Variants in KIF14 observed in about 807,000 individuals in gnomAD.
The protein encoded by KIF14 is kinesin-like protein KIF14.
KIF14 carries 98 observed loss-of-function variants against 176.2 expected under a neutral mutation model. The ratio of observed to expected loss-of-function variants is 0.56; its 90% confidence interval spans 0.47 to 0.66. The LOEUF (loss-of-function observed/expected upper bound fraction) is 0.66. KIF14 is among the 30% of genes least tolerant of loss of function. KIF14 has a pLI of 0.00. For synonymous variants in KIF14, 566 were observed against 632.2 expected (o/e 0.90, Z 1.57); for missense variants, 1,751 against 1,920.4 (o/e 0.91, Z 1.65).
At chr1:200,598,569 AT>A (rs912988078) in intron 13 of KIF14, 148 bp from the exon 14 acceptor site, 16 of 541,658 alleles carry the variant, frequency 3.0e-5, no homozygotes, top group East Asian at 7.5e-5. Context: ...TTTTATTTTT[AT>A]TTTTTTGAGA....
At chr1:200,557,062 G>A (rs1392535455) in intron 27 of KIF14, among the ~76,000 whole-genome samples, 4 of 152,154 alleles carry the variant, frequency 2.6e-5, no homozygotes, top group African/African-American at 7.2e-5. Context: ...GGAGTGCAGT[G>A]GCACGATCTT....
intron 21 of KIF14, among the ~76,000 whole-genome samples, chr1:200,577,970 G>A (rs752058067): frequency 1.4e-5 from 2 of 147,800 alleles, no homozygotes; most frequent in Admixed American, 6.7e-5. Context: ...TTTTTTTTTC[G>A]AGGCCAGTTT....
rs1656652523 is a variant in KIF14 at position 200,553,407 on chromosome 1, C to T, written c.4928G>A (p.Ser1643Asn). The change falls in exon 30 of 30, where the codon AGT (serine) becomes AAT (asparagine). Residue 1643 changes from serine to asparagine, a missense_variant. Coordinates refer to ENST00000367350, the MANE Select transcript of KIF14 (RefSeq NM_014875.3). The part of the protein sequence containing the change: ...PAVSSEECTP[S>N]RIQWV ...CAGTATTCACACCCACTGAATCCTA[C>T]TGGGTGTGCATTCCTCTGAGCTCAC... is the stretch of plus-strand genomic sequence containing the variant. 6.2e-7 allele frequency: 1 copy of T among 1,610,672 alleles called. No individual in the cohort carries two copies. The highest frequency in any genetic ancestry group is 1.1e-5 in the South Asian group (1 of 90,412).
chr1:200,603,477 C>CA, intron 9 of KIF14, 136 bp from the exon 10 acceptor site: 1 of 586,220 alleles, frequency 1.7e-6, no homozygotes, highest in South Asian at 2.2e-5. Context: ...GACAGAGTCT[C>CA]ACTCTGTTGC....
chr1:200,599,854 A>G (rs1185512750), intron 13 of KIF14, among the ~76,000 whole-genome samples, 196 bp downstream of exon 13: 2 of 152,232 alleles, frequency 1.3e-5, no homozygotes, highest in Non-Finnish European at 2.9e-5. Flanking sequence ...CAACTAGTTT[A>G]TGGGCTGGCT....
Position 200,589,306 on chromosome 1 carries a change from CA to C in KIF14, c.3024del (p.Ile1008MetfsTer4). On this transcript the variant is annotated frameshift_variant, in exon 18 of 30. Transcript: ENST00000367350. LOFTEE classifies it high-confidence loss of function. Reference protein sequence around the residue: ...EINNQKANHKIEELEKAKQHL... With the variant: ...EINNQKANHKXEELEKAKQHL... ...TGCTGCTTTGCCTTTTCTAATTCCT[CA>C]ATTTTGTGATTAGCCTTCTGGTTAT... 1 of 1,611,452 alleles carries C rather than the reference CA, an allele frequency of 6.2e-7. No individual in the cohort carries two copies. The highest frequency in any genetic ancestry group is 8.5e-7 in the Non-Finnish European group (1 of 1,177,954).
intron 18 of KIF14, 48 bp downstream of exon 18, chr1:200,589,169 T>C: frequency 6.8e-7 from 1 of 1,473,656 alleles, no homozygotes; most frequent in Non-Finnish European, 9.2e-7. Context: ...AAAAAAAAAA[T>C]CCAGCTTTTT....
chr1:200,580,410 C>T (rs911396307), intron 20 of KIF14, 27 bp from the exon 21 acceptor site: 2 of 1,410,010 alleles, frequency 1.4e-6, no homozygotes, highest in Non-Finnish European at 1.9e-6. Context: ...CAAAAAAAAG[C>T]TTATCCTGAA....
chr1:200,577,329 A>G (rs1658176272), intron 21 of KIF14, among the ~76,000 whole-genome samples: 1 of 151,782 alleles, frequency 6.6e-6, no homozygotes, highest in Non-Finnish European at 1.5e-5. Context: ...CTCAAAACAA[A>G]CAAACAAATA....
At position 200,568,169 on chromosome 1, in the gene KIF14, C is replaced by CG. The variant is rs1394757424; in HGVS notation, c.3661+1741dup. ...CTTCCACCACTCACAGCTGCCCAGACGGGGTCCTACTAAGTTCACACGTGG... is the reference window on the plus strand; with the variant it reads ...CTTCCACCACTCACAGCTGCCCAGACGGGGGTCCTACTAAGTTCACACGTGG... On this transcript the variant is annotated intron_variant, in intron 23 of 29. Coordinates refer to ENST00000367350, the MANE Select transcript of KIF14 (RefSeq NM_014875.3). Among the ~76,000 whole-genome samples the CG allele has an allele frequency of 2.6e-5, 4 of 152,284 alleles. No homozygotes were observed. The East Asian group carries it at 5.8e-4, about 22-fold the overall frequency.
chr1:200,572,722 G>A (rs538067934), intron 22 of KIF14, among the ~76,000 whole-genome samples: 1 of 152,156 alleles, frequency 6.6e-6, no homozygotes, highest in Non-Finnish European at 1.5e-5. Flanking sequence ...GTTTAAATCT[G>A]TTTATAATAA....
chr1:200,561,041 G>A (rs1295270611), intron 25 of KIF14, among the ~76,000 whole-genome samples, 161 bp from the exon 26 acceptor site: 1 of 151,868 alleles, frequency 6.6e-6, no homozygotes, highest in Non-Finnish European at 1.5e-5. Flanking sequence ...GATCAGCCTG[G>A]CCAACATGGT....
At chr1:200,617,273 T>C (rs749049982) in intron 2 of KIF14, among the ~76,000 whole-genome samples, 1 of 152,226 alleles carries the variant, frequency 6.6e-6, no homozygotes, top group South Asian at 2.1e-4. Context: ...TGGCCTGTTA[T>C]GGCTCTTTTT....
In KIF14 at chr1:200,592,072, A is replaced by T; in HGVS notation, c.2813+8T>A. ...ACACTTACTATTTCATATCAACAGC[A>T]TACTTACTGTGATCTCTGTGCCATG... is the stretch of plus-strand genomic sequence containing the variant. On this transcript the variant is annotated splice_region_variant and intron_variant, in intron 16 of 29. Transcript: ENST00000367350. The T allele has an allele frequency of 6.2e-7, 1 of 1,608,418 alleles. No individual in the cohort carries two copies. The highest frequency in any genetic ancestry group is 8.5e-7 in the Non-Finnish European group (1 of 1,177,392).
At chr1:200,606,882 G>T in intron 5 of KIF14, 84 bp from the exon 6 acceptor site, 1 of 1,079,832 alleles carries the variant, frequency 9.3e-7, no homozygotes, top group Non-Finnish European at 1.4e-6. Flanking sequence ...TACATCTTGA[G>T]TTTAAGGTAA....
chr1:200,605,352 A>G lies in KIF14; in HGVS notation c.1677T>C (p.Ala559=). 6.2e-7 allele frequency: 1 copy of G among 1,613,808 alleles called. No individual in the cohort carries two copies. The highest frequency in any genetic ancestry group is 8.5e-7 in the Non-Finnish European group (1 of 1,179,812). Residue 559 remains alanine, a synonymous_variant, in exon 8 of 30, where the codon GCT becomes GCC. Transcript: ENST00000367350. ...LELGNKQRAT[A]ATGMNDKSSR... is the part of the protein sequence containing the mutation. ...AACTTTTATCATTCATACCAGTAGC[A>G]GCAGTAGCTCTTTGTTTATTTCCCA...
At chr1:200,588,248 G>GTTTTGT (rs1658860702) in intron 18 of KIF14, among the ~76,000 whole-genome samples, 6 of 139,528 alleles carry the variant, frequency 4.3e-5, no homozygotes, top group African/African-American at 8.2e-5. Context: ...TGTTTGTTTT[G>GTTTTGT]TTTTTTTTTT....
At chr1:200,595,637 G>A (rs924087596) in intron 14 of KIF14, among the ~76,000 whole-genome samples, 2 of 152,100 alleles carry the variant, frequency 1.3e-5, no homozygotes. Flanking sequence ...AAGAACAAAA[G>A]GATATGCCCT....
intron 20 of KIF14, among the ~76,000 whole-genome samples, chr1:200,580,828 T>G (rs972599971): frequency 6.6e-6 from 1 of 152,004 alleles, no homozygotes; most frequent in Admixed American, 6.6e-5. Flanking sequence ...AACTAAATGA[T>G]AGCCGGGCGC....
Sources: allele counts gnomAD v4.1 joint callset (sites outside exome capture counted in the v4.1 genomes callset), GRCh38; gene constraint gnomAD v4.1.1; transcripts MANE v1.5; gene names NCBI Gene and HGNC (gene_info 2026-07-23, HGNC 2026-07-21).